Variants in HIVEP3 observed in about 807,000 individuals in gnomAD.
HIVEP3 encodes transcription factor HIVEP3.
A neutral mutation model predicts 152.8 loss-of-function variants in HIVEP3; 49 were observed. That is an observed-to-expected ratio of 0.32 (90% CI 0.26 to 0.41). HIVEP3 has a LOEUF of 0.41. HIVEP3 is among the 10% of genes least tolerant of loss of function. The pLI is 1.00. For missense variants in HIVEP3, 2,790 were observed against 3,103.3 expected, an observed-to-expected ratio of 0.90 and a Z score of 2.40; for synonymous variants, 1,269 against 1,289.0, an observed-to-expected ratio of 0.98 and a Z score of 0.33.
intron 1 of HIVEP3, among the ~76,000 whole-genome samples, chr1:42,033,346 A>C (rs893755895): frequency 6.6e-6 from 1 of 152,100 alleles, no homozygotes; most frequent in African/African-American, 2.4e-5. Flanking sequence ...TACAAAAGTA[A>C]CACTCCTTGG....
At chr1:41,945,536 C>T (rs944439974) in intron 1 of HIVEP3, among the ~76,000 whole-genome samples, 8 of 152,062 alleles carry the variant, frequency 5.3e-5, no homozygotes, top group Non-Finnish European at 1.0e-4. Flanking sequence ...AACTGCAGGC[C>T]GAGAGTTTGG....
chr1:41,885,734 T>C (rs6664790), intron 1 of HIVEP3, among the ~76,000 whole-genome samples: 125,646 of 144,538 alleles, frequency 0.87, 54,795 homozygotes, highest in East Asian at 1. Context: ...TTCCCCCTCC[T>C]CTTCCCCTTT....
Position 41,985,040 on chromosome 1 carries a change from ATTGATTGACTGGTTGG to A in HIVEP3, n.119+50751_119+50766del, listed in dbSNP as rs1645314315. On this transcript the variant is annotated intron_variant and non_coding_transcript_variant, in intron 1 of 3. Transcript: ENST00000489103. The stretch of plus-strand genomic sequence containing the variant: ...GAAGGCCCTTCCCAGGGGATGACTG[ATTGATTGACTGGTTGG>A]TTGATTGATTGATTTTTCCAAGGAG... Among the ~76,000 whole-genome samples, 5 of 151,808 alleles carry A rather than the reference ATTGATTGACTGGTTGG, an allele frequency of 3.3e-5. No homozygotes were observed. The South Asian group carries it at 1.0e-3, about 32-fold the overall frequency.
intron 3 of HIVEP3, among the ~76,000 whole-genome samples, chr1:41,587,863 T>A (rs1644528780): frequency 6.6e-6 from 1 of 152,208 alleles, no homozygotes. Context: ...TGATGCGCAC[T>A]GCAGTCTATG....
intron 1 of HIVEP3, among the ~76,000 whole-genome samples, chr1:41,774,285 T>C (rs988693935): frequency 1.3e-5 from 2 of 152,192 alleles, no homozygotes; most frequent in African/African-American, 4.8e-5. Flanking sequence ...ATCATGTGAG[T>C]AAGAAAATAC....
chr1:41,586,131 G>A (rs1381586158), intron 3 of HIVEP3, among the ~76,000 whole-genome samples: 2 of 152,298 alleles, frequency 1.3e-5, no homozygotes, highest in African/African-American at 4.8e-5. Flanking sequence ...TGTCCAGTCA[G>A]TGCCCTGGGG....
intron 5 of HIVEP3, among the ~76,000 whole-genome samples, chr1:41,547,118 A>G (rs1643822811): frequency 6.6e-6 from 1 of 152,150 alleles, no homozygotes; most frequent in African/African-American, 2.4e-5. Context: ...AGGCACAGTG[A>G]CTTGCCCTCA....
chr1:41,958,942 C>T (rs1394850986), intron 1 of HIVEP3, among the ~76,000 whole-genome samples: 1 of 152,194 alleles, frequency 6.6e-6, no homozygotes, highest in African/African-American at 2.4e-5. Context: ...GTGACATGAG[C>T]TCTGTGTTGT....
At chr1:41,683,223 C>T (rs1489958259) in intron 2 of HIVEP3, among the ~76,000 whole-genome samples, 4 of 152,242 alleles carry the variant, frequency 2.6e-5, no homozygotes, top group Admixed American at 6.5e-5. Flanking sequence ...GAAAGCTACA[C>T]TAAGCCAACT....
intron 1 of HIVEP3, among the ~76,000 whole-genome samples, chr1:41,786,005 A>C (rs1335364549): frequency 6.6e-6 from 1 of 152,206 alleles, no homozygotes; most frequent in Non-Finnish European, 1.5e-5. Context: ...TCTCAAAAAA[A>C]AAATTAGGTT....
In HIVEP3 at chr1:41,768,084, G is replaced by C. The variant is rs116711433; in HGVS notation, c.-800-67089C>G. ...TCCAGGCCTAGCTCTGTGGCTGGCTGCTCTTTCCCCTCAAGCTGACACCAT... is the reference window on the plus strand; with the variant it reads ...TCCAGGCCTAGCTCTGTGGCTGGCTCCTCTTTCCCCTCAAGCTGACACCAT... On this transcript the variant is annotated intron_variant, in intron 1 of 8. Transcript: ENST00000372583. Among the ~76,000 whole-genome samples, 1,141 of 152,276 alleles carry C rather than the reference G, an allele frequency of 7.5e-3. 8 individuals are homozygous for C. Among genetic ancestry groups the C allele is most frequent in the African/African-American group, 0.024 (1,001 of 41,554 alleles).
chr1:42,026,271 C>G (rs1006972752), intron 1 of HIVEP3, among the ~76,000 whole-genome samples: 3 of 152,116 alleles, frequency 2.0e-5, no homozygotes, highest in Non-Finnish European at 4.4e-5. Flanking sequence ...AGACTCTCCA[C>G]CTTGAGCAAG....
rs55663663 is a variant in HIVEP3 at position 41,929,726 on chromosome 1, T to TTATATATATATATATATATATATA, written n.120-11226_120-11203dup. 1.9e-3 allele frequency among the ~76,000 whole-genome samples: 217 copies of TTATATATATATATATATATATATA among 112,718 alleles called. 1 individual carries two copies. The highest frequency in any genetic ancestry group is 2.7e-3 in the Non-Finnish European group (160 of 59,394). 73.9% of individuals were successfully genotyped at this position (112,718 alleles called of 152,430 possible). ...TGTGTGAGTGTGTGTATATGTGTTT[T>TTATATATATATATATATATATATA]TATATATATATATATATATATATAT... is the stretch of plus-strand genomic sequence containing the variant. On this transcript the variant is annotated intron_variant and non_coding_transcript_variant, in intron 1 of 3. Transcript: ENST00000489103.
chr1:41,892,497 A>G (rs1644461697), intron 1 of HIVEP3, among the ~76,000 whole-genome samples: 1 of 152,222 alleles, frequency 6.6e-6, no homozygotes, highest in Non-Finnish European at 1.5e-5. Context: ...ACCCAAAGAG[A>G]GCACAGAGAA....
intron 1 of HIVEP3, among the ~76,000 whole-genome samples, chr1:41,978,905 G>C (rs923929124): frequency 6.6e-6 from 1 of 152,064 alleles, no homozygotes; most frequent in Non-Finnish European, 1.5e-5. Context: ...CTGCCCCAAC[G>C]ATCACTGCAC....
At chr1:41,879,369 T>C (rs1447945298) in intron 1 of HIVEP3, among the ~76,000 whole-genome samples, 1 of 152,242 alleles carries the variant, frequency 6.6e-6, no homozygotes, top group East Asian at 1.9e-4. Context: ...TCAATCCCTA[T>C]AAGGGTTGGT....
chr1:41,573,222 C>T (rs972564881), intron 5 of HIVEP3, among the ~76,000 whole-genome samples: 1 of 152,154 alleles, frequency 6.6e-6, no homozygotes, highest in African/African-American at 2.4e-5. Context: ...CCCAGTGATT[C>T]TGGGTGTGGG....
At chr1:41,608,428 C>T (rs886901062) in intron 3 of HIVEP3, among the ~76,000 whole-genome samples, 1 of 152,242 alleles carries the variant, frequency 6.6e-6, no homozygotes, top group African/African-American at 2.4e-5. Flanking sequence ...TCAGACTTTC[C>T]TTAGAGAGCA....
chr1:41,529,910 C>T (rs1230034310), intron 5 of HIVEP3, among the ~76,000 whole-genome samples: 6 of 108,058 alleles, frequency 5.6e-5, no homozygotes, highest in African/African-American at 1.1e-4. Flanking sequence ...CAAACCCACA[C>T]ACCAACACCC....
Sources: allele counts gnomAD v4.1 joint callset (sites outside exome capture counted in the v4.1 genomes callset), GRCh38; gene constraint gnomAD v4.1.1; transcripts MANE v1.5; gene names NCBI Gene and HGNC (gene_info 2026-07-23, HGNC 2026-07-21).